The following TFEB variants were observed in gnomAD, a reference collection of about 807,000 sequenced individuals.
The protein encoded by TFEB is transcription factor EB.
TFEB carries 12 observed loss-of-function variants against 48.0 expected under a neutral mutation model. That is an observed-to-expected ratio of 0.25 (90% confidence interval 0.16 to 0.40). TFEB has a LOEUF of 0.40. Among genes scored for constraint, TFEB ranks in the 10% least tolerant of loss-of-function variants. TFEB has a pLI of 1.00. For missense variants in TFEB, 509 were observed against 640.3 expected, an observed-to-expected ratio of 0.79 and a Z score of 2.21; for synonymous variants, 244 against 261.4, an observed-to-expected ratio of 0.93 and a Z score of 0.64.
chr6:41,733,993 T>A, intron 1 of TFEB: 1 of 475,580 alleles, frequency 2.1e-6, no homozygotes, highest in Non-Finnish European at 2.7e-6. Context: ...ACTGGGGGCC[T>A]GCATCCGTCT....
At chr6:41,736,044 T>C (rs1458054428), upstream of TFEB, 1 of 1,456,726 alleles carries the variant, frequency 6.9e-7, no homozygotes. Flanking sequence ...GCCCCGATCA[T>C]AAGGGGCAAG....
intron 1 of TFEB, chr6:41,733,267 C>A: frequency 6.1e-6 from 1 of 164,236 alleles, no homozygotes; most frequent in Non-Finnish European, 1.3e-5. Flanking sequence ...TCCCTGCCCA[C>A]CTCTGACTGT....
At chr6:41,698,283 T>C (rs1020862161) in intron 1 of TFEB, among the ~76,000 whole-genome samples, 11 of 152,156 alleles carry the variant, frequency 7.2e-5, no homozygotes, top group Admixed American at 6.5e-4. Context: ...GCCCCAACCC[T>C]GGGGCTGGGA....
At chr6:41,690,117 CTTTCTTT>C (rs1393713893) in intron 3 of TFEB, among the ~76,000 whole-genome samples, 13 of 151,448 alleles carry the variant, frequency 8.6e-5, no homozygotes, top group Admixed American at 3.3e-4. Flanking sequence ...CCTAGCAGAG[CTTTCTTT>C]TTTCTTTTTT....
At chr6:41,704,282 C>T (rs1482186825) in intron 1 of TFEB, among the ~76,000 whole-genome samples, 1 of 152,248 alleles carries the variant, frequency 6.6e-6, no homozygotes, top group Non-Finnish European at 1.5e-5. Context: ...GCTCTGGACC[C>T]TGACAGACCA....
At chr6:41,722,987 G>A (rs1268635723) in intron 1 of TFEB, among the ~76,000 whole-genome samples, 1 of 152,142 alleles carries the variant, frequency 6.6e-6, no homozygotes, top group African/African-American at 2.4e-5. Context: ...ACTGCAAAAC[G>A]ACAGGGCCAG....
At chr6:41,732,936 G>T in intron 1 of TFEB, 1 of 985,498 alleles carries the variant, frequency 1.0e-6, no homozygotes. Context: ...TTTCATGACA[G>T]CTGTGGTTGG....
intron 1 of TFEB, among the ~76,000 whole-genome samples, chr6:41,699,999 C>T (rs1309562053): frequency 3.3e-5 from 5 of 152,156 alleles, no homozygotes; most frequent in African/African-American, 1.2e-4. Flanking sequence ...CTGGCAGGTT[C>T]CCTCCGGGAC....
At chr6:41,696,643 G>A (rs1018953829) in intron 1 of TFEB, among the ~76,000 whole-genome samples, 7 of 152,048 alleles carry the variant, frequency 4.6e-5, no homozygotes, top group South Asian at 4.1e-4. Flanking sequence ...GCAGTGAGCC[G>A]AGATCATGCC....
intron 1 of TFEB, among the ~76,000 whole-genome samples, chr6:41,707,338 C>T (rs1770280139): frequency 6.6e-6 from 1 of 152,192 alleles, no homozygotes; most frequent in African/African-American, 2.4e-5. Context: ...CACAGGCAGA[C>T]ACACTCCTAC....
chr6:41,725,549 C>A (rs1163783225), intron 1 of TFEB, among the ~76,000 whole-genome samples: 1 of 152,220 alleles, frequency 6.6e-6, no homozygotes, highest in Non-Finnish European at 1.5e-5. Flanking sequence ...GGTCTCCCCA[C>A]AAGACCAATA....
In TFEB at chr6:41,734,781, G is replaced by T; in HGVS notation, c.-23+569C>A. ...CTGGAGGAAGGGACGGGAAGGGAGG[G>T]AGAGATGGTACTTCCACCCGCCCCC... On this transcript the variant is annotated intron_variant, in intron 1 of 8. Transcript: ENST00000373033. The surrounding 1 kb of genome is among the most constrained non-coding windows in gnomAD (Gnocchi z 4.0). 2 of 653,768 alleles carry T rather than the reference G, an allele frequency of 3.1e-6. No individual in the cohort carries two copies. Among genetic ancestry groups the T allele is most frequent in the Non-Finnish European group, 3.8e-6 (2 of 526,320 alleles). The allele number at this position is 653,768 out of a possible 1,614,324, so 40.5% of individuals were successfully genotyped here.
intron 1 of TFEB, among the ~76,000 whole-genome samples, chr6:41,710,673 T>C (rs913553416): frequency 5.9e-5 from 9 of 152,146 alleles, no homozygotes; most frequent in African/African-American, 2.2e-4. Flanking sequence ...CCAAGCGCTC[T>C]AGTTGGGCCT....
intron 4 of TFEB, among the ~76,000 whole-genome samples, chr6:41,688,737 G>A (rs1238376488): frequency 2.0e-5 from 3 of 152,114 alleles, no homozygotes; most frequent in African/African-American, 4.8e-5. Flanking sequence ...CTCAGCCCTC[G>A]CTGCCCCTGC....
At chr6:41,703,870 GC>G in intron 1 of TFEB, among the ~76,000 whole-genome samples, 1 of 152,296 alleles carries the variant, frequency 6.6e-6, no homozygotes, top group East Asian at 1.9e-4. Flanking sequence ...TACAGAGGGG[GC>G]AACTGAGTCA....
Position 41,729,965 on chromosome 6 carries a change from A to G in TFEB, c.-23+5385T>C, listed in dbSNP as rs567387481. Among the ~76,000 whole-genome samples the G allele has an allele frequency of 2.0e-5, 3 of 152,306 alleles. No individual in the cohort carries two copies. In the South Asian group the frequency reaches 6.2e-4, roughly 32 times the overall value. On this transcript the variant is annotated intron_variant, in intron 1 of 8. Transcript: ENST00000373033. ...GGACCAGCAGCATTAGCATCACTAG[A>G]GGACTTGTCAGAAATTCAAATTCTA...
intron 6 of TFEB, among the ~76,000 whole-genome samples, chr6:41,687,389 C>A (rs539240474): frequency 6.6e-6 from 1 of 152,222 alleles, no homozygotes; most frequent in African/African-American, 2.4e-5. Context: ...AAGGTAGAAT[C>A]AGCCATGGTG....
In TFEB at chr6:41,723,350, T is replaced by A. The variant is rs1412958640; in HGVS notation, c.-23+12000A>T. On this transcript the variant is annotated intron_variant, in intron 1 of 8. Transcript: ENST00000373033. This position sits in a 1 kb window ranked among gnomAD's most constrained non-coding sequence, Gnocchi z 6.0. ...CACCTCCCCAAAGACACCACACGCATGCACATACACTCACACAGATGCACA... is the reference window on the plus strand; with the variant it reads ...CACCTCCCCAAAGACACCACACGCAAGCACATACACTCACACAGATGCACA... 18 of 606,948 alleles carry A rather than the reference T, an allele frequency of 3.0e-5. No individual in the cohort carries two copies. The highest frequency in any genetic ancestry group is 4.6e-5 in the Non-Finnish European group (17 of 373,192). 37.6% of individuals were successfully genotyped at this position (606,948 alleles called of 1,614,324 possible).
intron 7 of TFEB, chr6:41,686,642 A>C (rs762822877): frequency 2.6e-5 from 6 of 229,780 alleles, no homozygotes; most frequent in Non-Finnish European, 4.3e-5. Context: ...CAGCCTCCCT[A>C]GTAGCTGGCA....
Sources: allele counts gnomAD v4.1 joint callset (sites outside exome capture counted in the v4.1 genomes callset), GRCh38; gene constraint gnomAD v4.1.1; non-coding constraint Gnocchi (gnomAD v3.1); transcripts MANE v1.5; gene names NCBI Gene and HGNC (gene_info 2026-07-23, HGNC 2026-07-21).